MYT1L: variants seen among roughly 807,000 people sequenced by gnomAD.
MYT1L encodes the protein myelin transcription factor 1-like protein.
MYT1L carries 12 observed loss-of-function variants against 126.7 expected under a neutral mutation model. That is an observed-to-expected ratio of 0.09 (90% confidence interval 0.06 to 0.15). The LOEUF is 0.15. Ranked by LOEUF, MYT1L falls within the 10% of genes least tolerant of loss-of-function variation. The pLI, the probability that MYT1L is intolerant of heterozygous loss-of-function variation, is 1.00. For missense variants in MYT1L, 979 were observed against 1,585.2 expected (o/e 0.62, Z 6.49); for synonymous variants, 541 against 604.2 (o/e 0.90, Z 1.53).
intron 8 of MYT1L, among the ~76,000 whole-genome samples, chr2:1,958,117 G>T (rs893478422): frequency 2.2e-5 from 3 of 138,318 alleles, no homozygotes; most frequent in Admixed American, 6.9e-5. Flanking sequence ...GGTCTGAGTT[G>T]CAGAACATTT....
intron 2 of MYT1L, among the ~76,000 whole-genome samples, chr2:2,256,936 C>A (rs574763308): frequency 6.6e-6 from 1 of 152,150 alleles, no homozygotes; most frequent in South Asian, 2.1e-4. Flanking sequence ...CACACAGGCA[C>A]TTATAAACAT....
At chr2:2,142,637 C>T (rs1208702317) in intron 3 of MYT1L, among the ~76,000 whole-genome samples, 2 of 152,090 alleles carry the variant, frequency 1.3e-5, no homozygotes, top group Admixed American at 6.5e-5. Flanking sequence ...ATTCTGTTCC[C>T]ACTGCCTTGT....
At chr2:1,906,706 T>C (rs2051106751) in intron 13 of MYT1L, among the ~76,000 whole-genome samples, 2 of 152,134 alleles carry the variant, frequency 1.3e-5, no homozygotes, top group African/African-American at 4.8e-5. Context: ...AATAATTGAC[T>C]GTCTATTGTC....
At position 2,228,855 on chromosome 2, in the gene MYT1L, G is replaced by A. The variant is rs1412988070; in HGVS notation, c.-421+55549C>T. ...TGCCCAGCCAATACAATAAATTTGTGCTCAATATTAGCACATATTAACAAT... is the reference window on the plus strand; with the variant it reads ...TGCCCAGCCAATACAATAAATTTGTACTCAATATTAGCACATATTAACAAT... On this transcript the variant is annotated intron_variant, in intron 2 of 24. Coordinates refer to ENST00000647738, the MANE Select transcript of MYT1L (RefSeq NM_001303052.2). The surrounding 1 kb of genome is among the most constrained non-coding windows in gnomAD (Gnocchi z 5.9). Among the ~76,000 whole-genome samples the A allele has an allele frequency of 6.6e-6, 1 of 152,178 alleles. No individual in the cohort carries two copies. The highest frequency in any genetic ancestry group is 1.9e-4 in the East Asian group (1 of 5,180).
rs189083582 is a variant in MYT1L, at chr2:2,317,098, C to T, written c.-521+13869G>A. On this transcript the variant is annotated intron_variant, in intron 1 of 24. Coordinates refer to ENST00000647738, the MANE Select transcript of MYT1L (RefSeq NM_001303052.2). ...TCCCAAAGTGCTGAGGTTATAGGTG[C>T]GAGCCACCATGCCCGGCCAGTCCAG... Among the ~76,000 whole-genome samples, 292 of 152,018 alleles carry T rather than the reference C, an allele frequency of 1.9e-3. 2 individuals carry two copies. The highest frequency in any genetic ancestry group is 6.6e-3 in the African/African-American group (275 of 41,472).
intron 1 of MYT1L, among the ~76,000 whole-genome samples, chr2:2,296,031 C>T (rs2095688371): frequency 1.3e-5 from 2 of 152,178 alleles, no homozygotes; most frequent in African/African-American, 2.4e-5. Flanking sequence ...AATCAAGCAA[C>T]CCAAGAGCGG....
intron 3 of MYT1L, among the ~76,000 whole-genome samples, chr2:2,088,702 T>C (rs1354889648): frequency 1.3e-5 from 2 of 152,158 alleles, no homozygotes; most frequent in Non-Finnish European, 2.9e-5. Flanking sequence ...TGAGCTTCAA[T>C]ACAGATTAGT....
At chr2:1,893,164 C>T (rs1019580765) in intron 14 of MYT1L, among the ~76,000 whole-genome samples, 50 of 152,244 alleles carry the variant, frequency 3.3e-4, no homozygotes, top group Non-Finnish European at 1.9e-4. Context: ...CACTGAGGGG[C>T]AAGGGTTATT....
intron 1 of MYT1L, among the ~76,000 whole-genome samples, chr2:2,303,129 T>C (rs532017602): frequency 6.6e-6 from 1 of 152,324 alleles, no homozygotes; most frequent in East Asian, 1.9e-4. Flanking sequence ...ACTCTTTATG[T>C]TTCACAAACA....
At chr2:2,245,245 C>T (rs1341751424) in intron 2 of MYT1L, among the ~76,000 whole-genome samples, 1 of 152,046 alleles carries the variant, frequency 6.6e-6, no homozygotes, top group Non-Finnish European at 1.5e-5. Flanking sequence ...TGATTAACGA[C>T]CTTCGGCAGG....
intron 21 of MYT1L, among the ~76,000 whole-genome samples, chr2:1,832,047 T>C (rs2040267255): frequency 6.6e-6 from 1 of 152,110 alleles, no homozygotes. Flanking sequence ...TTCCCCACTT[T>C]TATGGTGTGA....
chr2:1,838,912 C>T (rs1437885615), intron 21 of MYT1L, among the ~76,000 whole-genome samples: 1 of 152,186 alleles, frequency 6.6e-6, no homozygotes, highest in Non-Finnish European at 1.5e-5. Flanking sequence ...CGGAAAACTG[C>T]TGTGGTCATC....
intron 2 of MYT1L, among the ~76,000 whole-genome samples, chr2:2,283,117 G>A (rs935513594): frequency 2.6e-5 from 4 of 152,082 alleles, no homozygotes; most frequent in African/African-American, 4.8e-5. Context: ...AGATACATAC[G>A]ATGCATAAGG....
chr2:2,109,873 TTTTATATATATATATATATATATA>T (rs1467309531), intron 3 of MYT1L, among the ~76,000 whole-genome samples: 3 of 82,012 alleles, frequency 3.7e-5, no homozygotes, highest in Non-Finnish European at 7.0e-5. Flanking sequence ...AAAGTGCTGA[TTTTATATATATATATATATATATA>T]TATATATATA....
chr2:1,858,138 A>T (rs1328712341), intron 18 of MYT1L, among the ~76,000 whole-genome samples: 1 of 152,396 alleles, frequency 6.6e-6, no homozygotes, highest in East Asian at 1.9e-4. Flanking sequence ...TGCTGGGATT[A>T]TGGGCGTAAG....
intron 1 of MYT1L, among the ~76,000 whole-genome samples, chr2:2,308,211 A>T (rs1046401197): frequency 6.6e-6 from 1 of 151,486 alleles, no homozygotes; most frequent in African/African-American, 2.4e-5. Flanking sequence ...ACTTCAGTAC[A>T]CTCTACCTAT....
chr2:2,249,261 C>G lies in MYT1L; in HGVS notation c.-421+35143G>C, dbSNP rs116376878. ...AAAAAAGAAAAAAAAGAAAAGTAAT[C>G]CCACTCACTGTAGCCACAAATAAAA... On this transcript the variant is annotated intron_variant, in intron 2 of 24. Transcript: ENST00000647738. 7.4e-3 allele frequency among the ~76,000 whole-genome samples: 1,117 copies of G among 151,798 alleles called. 17 individuals are homozygous for G. The highest frequency in any genetic ancestry group is 0.026 in the African/African-American group (1,066 of 41,410).
intron 3 of MYT1L, among the ~76,000 whole-genome samples, chr2:2,161,499 G>A (rs1158623946): frequency 1.3e-5 from 2 of 152,244 alleles, no homozygotes; most frequent in African/African-American, 4.8e-5. Context: ...GCCTGAAGAT[G>A]TATATTTGGG....
At chr2:2,301,584 C>T (rs930210294) in intron 1 of MYT1L, among the ~76,000 whole-genome samples, 1 of 152,050 alleles carries the variant, frequency 6.6e-6, no homozygotes, top group African/African-American at 2.4e-5. Flanking sequence ...AGTCTTAGCA[C>T]TTGGGAGGCT....
Sources: allele counts gnomAD v4.1 joint callset (sites outside exome capture counted in the v4.1 genomes callset), GRCh38; gene constraint gnomAD v4.1.1; non-coding constraint Gnocchi (gnomAD v3.1); transcripts MANE v1.5; gene names NCBI Gene and HGNC (gene_info 2026-07-23, HGNC 2026-07-21).